FBLN2: variants seen among roughly 807,000 people sequenced by gnomAD.
FBLN2 encodes fibulin-2.
FBLN2 carries 81 observed loss-of-function variants against 123.7 expected under a neutral mutation model. That is an observed-to-expected ratio of 0.65 (90% CI 0.55 to 0.79). The LOEUF (loss-of-function observed/expected upper bound fraction) is 0.79. Among genes scored for constraint, FBLN2 ranks in the 30% least tolerant of loss-of-function variants. FBLN2 has a pLI of 0.00. For synonymous variants in FBLN2, 699 were observed against 701.4 expected, an observed-to-expected ratio of 1.00 and a Z score of 0.05; for missense variants, 1,603 against 1,681.3, an observed-to-expected ratio of 0.95 and a Z score of 0.81.
At chr3:13,628,284 T>G (rs747992577) in intron 11 of FBLN2, among the ~76,000 whole-genome samples, 176 of 152,226 alleles carry the variant, frequency 1.2e-3, no homozygotes, top group Non-Finnish European at 1.7e-3. Context: ...CAGTCAGCAG[T>G]GGCTATGTGA....
In FBLN2 at chr3:13,627,812, A is replaced by C. The variant is rs1574997844; in HGVS notation, c.2432-20A>C. On this transcript the variant is annotated intron_variant, in intron 10 of 17. Coordinates refer to ENST00000404922, the MANE Select transcript of FBLN2 (RefSeq NM_001004019.2). ...CAGGACCTGCCCCCCAGCCCTTGACACCCAGCCTCTCCGCTGCAGACGTGG... is the reference window on the plus strand; with the variant it reads ...CAGGACCTGCCCCCCAGCCCTTGACCCCCAGCCTCTCCGCTGCAGACGTGG... 1 of 1,607,752 alleles carries C rather than the reference A, an allele frequency of 6.2e-7. No homozygotes were observed. Among genetic ancestry groups the C allele is most frequent in the Non-Finnish European group, 8.5e-7 (1 of 1,176,986 alleles).
chr3:13,553,525 A>G (rs1187184670), intron 1 of FBLN2, among the ~76,000 whole-genome samples: 1 of 152,176 alleles, frequency 6.6e-6, no homozygotes, highest in African/African-American at 2.4e-5. Flanking sequence ...AACTCGCCTC[A>G]GCTGGGCACG....
Position 13,570,807 on chromosome 3 carries a change from C to G in FBLN2, c.452C>G (p.Thr151Ser), listed in dbSNP as rs375093754. ...GGCCACAAGTACGCCGCTGGCCACA[C>G]TGTTCACCTGCCGCCCTGCCGGGCC... Reference protein sequence around the residue: ...HAGHKYAAGHTVHLPPCRACH... With the variant: ...HAGHKYAAGHSVHLPPCRACH... The change falls in exon 2 of 18, where the codon ACT becomes AGT. Residue 151 changes from threonine to serine, a missense_variant. Transcript: ENST00000404922. 14 of 1,596,068 alleles carry G rather than the reference C, an allele frequency of 8.8e-6. No individual in the cohort carries two copies. The highest frequency in any genetic ancestry group is 1.2e-5 in the Non-Finnish European group (14 of 1,172,612).
intron 11 of FBLN2, among the ~76,000 whole-genome samples, chr3:13,628,517 C>T (rs746602636): frequency 2.6e-5 from 4 of 152,210 alleles, no homozygotes; most frequent in Non-Finnish European, 4.4e-5. Context: ...ACCCGCTCTG[C>T]GCCCCCCATC....
intron 1 of FBLN2, among the ~76,000 whole-genome samples, chr3:13,563,758 G>A (rs1703671576): frequency 6.6e-6 from 1 of 152,254 alleles, no homozygotes; most frequent in African/African-American, 2.4e-5. Context: ...GTGGCTAGAG[G>A]TGGTCTCCTT....
At chr3:13,583,974 C>G (rs1704418577) in intron 2 of FBLN2, among the ~76,000 whole-genome samples, 1 of 152,206 alleles carries the variant, frequency 6.6e-6, no homozygotes, top group South Asian at 2.1e-4. Context: ...GGCCAGCTGG[C>G]CTTTAGAATG....
At chr3:13,606,249 G>GTTTA (rs1705199820) in intron 2 of FBLN2, among the ~76,000 whole-genome samples, 1 of 152,200 alleles carries the variant, frequency 6.6e-6, no homozygotes. Flanking sequence ...ATTTTCAGGA[G>GTTTA]TTTATTATGT....
intron 2 of FBLN2, among the ~76,000 whole-genome samples, chr3:13,589,324 A>T (rs1466147951): frequency 6.6e-6 from 1 of 152,218 alleles, no homozygotes; most frequent in Non-Finnish European, 1.5e-5. Context: ...GACTGCGAAC[A>T]TACCACTTTC....
intron 2 of FBLN2, among the ~76,000 whole-genome samples, chr3:13,574,322 G>A (rs1333555852): frequency 1.3e-5 from 2 of 152,206 alleles, no homozygotes; most frequent in Admixed American, 6.5e-5. Context: ...GCTGCCCCCA[G>A]CTGCTCTGGG....
At chr3:13,611,736 G>A (rs564634173) in intron 4 of FBLN2, among the ~76,000 whole-genome samples, 106 of 152,326 alleles carry the variant, frequency 7.0e-4, no homozygotes, top group African/African-American at 2.4e-3. Context: ...TAATGCTGCT[G>A]TGAACATGAG....
At chr3:13,590,936 G>C (rs1358767566) in intron 2 of FBLN2, among the ~76,000 whole-genome samples, 1 of 152,226 alleles carries the variant, frequency 6.6e-6, no homozygotes, top group Admixed American at 6.5e-5. Flanking sequence ...CTGAGGACTG[G>C]AGTTGCTGCA....
At chr3:13,600,159 A>G (rs1704982621) in intron 2 of FBLN2, among the ~76,000 whole-genome samples, 1 of 147,780 alleles carries the variant, frequency 6.8e-6, no homozygotes, top group Non-Finnish European at 1.5e-5. Flanking sequence ...TGCTGGGCGG[A>G]GCCTTGGAGA....
At chr3:13,628,437 C>T (rs1037236395) in intron 11 of FBLN2, among the ~76,000 whole-genome samples, 1 of 152,170 alleles carries the variant, frequency 6.6e-6, no homozygotes, top group Non-Finnish European at 1.5e-5. Context: ...TGATTCCATG[C>T]CGTACTCGAG....
intron 2 of FBLN2, among the ~76,000 whole-genome samples, chr3:13,573,986 CCT>C (rs976685445): frequency 6.6e-6 from 1 of 152,120 alleles, no homozygotes; most frequent in African/African-American, 2.4e-5. Context: ...ACTTTCTGCC[CCT>C]GTGTCCACAG....
Position 13,638,402 on chromosome 3 carries a change from A to C in FBLN2, c.*483A>C. The stretch of plus-strand genomic sequence containing the variant: ...GAAAGGGTTATAAAGTAACAGAGGA[A>C]AACGCCTCTTGGTCCCTTTACTTTT... On this transcript the variant is annotated 3_prime_UTR_variant, in exon 18 of 18. Coordinates refer to ENST00000404922, the MANE Select transcript of FBLN2 (RefSeq NM_001004019.2). The C allele has an allele frequency of 3.0e-6, 1 of 331,750 alleles. No homozygotes were observed. Among genetic ancestry groups the C allele is most frequent in the Non-Finnish European group, 5.6e-6 (1 of 179,558 alleles). 20.6% of individuals were successfully genotyped at this position (331,750 alleles called of 1,614,324 possible).
chr3:13,614,165 G>A lies in FBLN2; in HGVS notation c.1729+1G>A, dbSNP rs1470236358. On this transcript the variant is annotated splice_donor_variant, in intron 5 of 17. Coordinates refer to ENST00000404922, the MANE Select transcript of FBLN2 (RefSeq NM_001004019.2). LOFTEE classifies it high-confidence loss of function. ...GAGCCCGCAGCTGCACCACGGAGAG[G>A]TGAGTGCTGCTCTTCCCTGGCTGCG... 1.2e-6 allele frequency: 2 copies of A among 1,610,310 alleles called. No individual in the cohort carries two copies. Among genetic ancestry groups the A allele is most frequent in the Non-Finnish European group, 8.5e-7 (1 of 1,179,692 alleles).
intron 9 of FBLN2, among the ~76,000 whole-genome samples, chr3:13,624,674 G>C (rs565220461): frequency 6.6e-6 from 1 of 152,210 alleles, no homozygotes; most frequent in Admixed American, 6.5e-5. Context: ...AAGTGGCTCT[G>C]ATGGTCCAGA....
intron 9 of FBLN2, among the ~76,000 whole-genome samples, chr3:13,622,217 C>T (rs1705878614): frequency 6.6e-6 from 1 of 152,128 alleles, no homozygotes; most frequent in Non-Finnish European, 1.5e-5. Context: ...GTCAGACATG[C>T]TGGGAGCAGG....
At chr3:13,634,714 G>A (rs769407426) in intron 16 of FBLN2, among the ~76,000 whole-genome samples, 1 of 152,266 alleles carries the variant, frequency 6.6e-6, no homozygotes, top group Non-Finnish European at 1.5e-5. Context: ...AGGGAGGGAA[G>A]TGAGGCCTGG....
Sources: allele counts gnomAD v4.1 joint callset (sites outside exome capture counted in the v4.1 genomes callset), GRCh38; gene constraint gnomAD v4.1.1; transcripts MANE v1.5; gene names NCBI Gene and HGNC (gene_info 2026-07-23, HGNC 2026-07-21).